KAZN: variants seen among roughly 807,000 people sequenced by gnomAD.
The protein encoded by KAZN is kazrin.
A neutral mutation model predicts 87.4 loss-of-function variants in KAZN; 40 were observed. The observed-to-expected ratio is 0.46, with a 90% CI of 0.36 to 0.60. The LOEUF (loss-of-function observed/expected upper bound fraction) is 0.60. KAZN is among the 20% of genes least tolerant of loss of function. The pLI, the probability that KAZN is intolerant of heterozygous loss-of-function variation, is 0.00. For missense variants in KAZN, 898 were observed against 1,073.9 expected, an observed-to-expected ratio of 0.84 and a Z score of 2.29; for synonymous variants, 466 against 458.3, an observed-to-expected ratio of 1.02 and a Z score of -0.22.
At chr1:14,808,436 A>G (rs982759670) in intron 1 of KAZN, among the ~76,000 whole-genome samples, 2 of 151,460 alleles carry the variant, frequency 1.3e-5, no homozygotes, top group African/African-American at 4.9e-5. Flanking sequence ...AGATGGTATT[A>G]CAGGCAAGTG....
chr1:13,923,671 TGAG>T (rs140028682), intron 1 of KAZN, among the ~76,000 whole-genome samples: 6 of 151,186 alleles, frequency 4.0e-5, no homozygotes, highest in Admixed American at 1.3e-4. Context: ...AGTAGGCTGA[TGAG>T]GAGGAGGATG....
chr1:14,133,365 CAAA>C (rs779709247), intron 1 of KAZN, among the ~76,000 whole-genome samples: 3 of 26,578 alleles, frequency 1.1e-4, no homozygotes, highest in Admixed American at 6.2e-4. Flanking sequence ...GACTCCCTCT[CAAA>C]AAAAAAAAAA....
At chr1:14,478,037 C>G (rs948589791) in intron 2 of KAZN, among the ~76,000 whole-genome samples, 11 of 152,184 alleles carry the variant, frequency 7.2e-5, no homozygotes, top group Admixed American at 2.6e-4. Context: ...ACATTGTGTA[C>G]AGTCTCACTC....
At chr1:14,391,234 G>A (rs1189415613) in intron 2 of KAZN, among the ~76,000 whole-genome samples, 6 of 152,174 alleles carry the variant, frequency 3.9e-5, no homozygotes, top group Non-Finnish European at 7.3e-5. Flanking sequence ...TCATTCTGCT[G>A]CTTCTTGGGC....
At chr1:14,511,348 G>A (rs1315613816) in intron 2 of KAZN, among the ~76,000 whole-genome samples, 1 of 152,130 alleles carries the variant, frequency 6.6e-6, no homozygotes, top group Non-Finnish European at 1.5e-5. Flanking sequence ...GAGCCAAGAA[G>A]AATTTATTAG....
At chr1:14,280,663 T>A (rs1652781763) in intron 2 of KAZN, among the ~76,000 whole-genome samples, 1 of 152,192 alleles carries the variant, frequency 6.6e-6, no homozygotes, top group Non-Finnish European at 1.5e-5. Context: ...GCCTCCAGAA[T>A]GGTGGGACAA....
chr1:13,903,077 C>T (rs1055128406), intron 1 of KAZN, among the ~76,000 whole-genome samples: 1 of 152,206 alleles, frequency 6.6e-6, no homozygotes, highest in African/African-American at 2.4e-5. Flanking sequence ...AGTCTTAACA[C>T]TGACAATGTG....
At chr1:14,023,698 G>A (rs1640945861) in intron 1 of KAZN, among the ~76,000 whole-genome samples, 1 of 152,132 alleles carries the variant, frequency 6.6e-6, no homozygotes, top group Non-Finnish European at 1.5e-5. Context: ...AAAAAAACGG[G>A]GCCATCTTAA....
intron 2 of KAZN, among the ~76,000 whole-genome samples, chr1:14,369,755 C>G (rs972825800): frequency 6.6e-5 from 10 of 152,116 alleles, no homozygotes; most frequent in Non-Finnish European, 1.2e-4. Context: ...CAAAGTAAGC[C>G]CAACGTCCCC....
At chr1:14,112,431 G>A (rs1644519791) in intron 1 of KAZN, among the ~76,000 whole-genome samples, 4 of 77,744 alleles carry the variant, frequency 5.1e-5, no homozygotes, top group Admixed American at 2.4e-4. Context: ...TTTGGCCACT[G>A]TGGGTTGTCA....
chr1:14,916,954 C>G (rs1392416798), intron 1 of KAZN, among the ~76,000 whole-genome samples: 1 of 151,886 alleles, frequency 6.6e-6, no homozygotes, highest in Non-Finnish European at 1.5e-5. Context: ...GACAGTCCAA[C>G]AAGCAGGGCA....
At position 14,689,265 on chromosome 1, in the gene KAZN, G is replaced by A. The variant is rs536803481; in HGVS notation, c.226+90042G>A. On this transcript the variant is annotated intron_variant, in intron 1 of 14. Transcript: ENST00000376030. ...AGAGTTGATTGGTAAAACCATGCTGGGTCTGGTTTGTAGTATCTCATGAAA... is the reference window on the plus strand; with the variant it reads ...AGAGTTGATTGGTAAAACCATGCTGAGTCTGGTTTGTAGTATCTCATGAAA... 2.7e-4 allele frequency among the ~76,000 whole-genome samples: 41 copies of A among 152,222 alleles called. 1 individual carries two copies. The highest frequency in any genetic ancestry group is 9.4e-4 in the African/African-American group (39 of 41,526).
At position 14,416,139 on chromosome 1, in the gene KAZN, G is replaced by T. The variant is rs192901110; in HGVS notation, c.250-182844G>T. ...GGGCAGCTGCAATTTTTTTGGCTCT[G>T]GGGCTGTAGTAGCATTTGCAGCAGT... On this transcript the variant is annotated intron_variant, in intron 2 of 16. Coordinates refer to the KAZN transcript ENST00000636203. Among the ~76,000 whole-genome samples the T allele has an allele frequency of 3.9e-5, 6 of 152,282 alleles. No individual in the cohort carries two copies. In the East Asian group the frequency reaches 1.2e-3, roughly 29 times the overall value.
At chr1:14,187,126 C>CT (rs1646325333) in intron 2 of KAZN, among the ~76,000 whole-genome samples, 1 of 152,128 alleles carries the variant, frequency 6.6e-6, no homozygotes, top group Non-Finnish European at 1.5e-5. Context: ...ATAAAATAGC[C>CT]TTTTTTACAT....
intron 2 of KAZN, among the ~76,000 whole-genome samples, chr1:14,255,993 T>G (rs1366585421): frequency 6.6e-6 from 1 of 152,202 alleles, no homozygotes; most frequent in Non-Finnish European, 1.5e-5. Context: ...TTCCCTTTTC[T>G]TTTGTAAATT....
At position 15,011,556 on chromosome 1, in the gene KAZN, T is replaced by A. The variant is rs549371952; in HGVS notation, c.419-23193T>A. ...CCCCTCCCCCAACCCCAAATACTCA[T>A]ATTCTCATGGCCTGTGTTACCTACT... On this transcript the variant is annotated intron_variant, in intron 2 of 14. Transcript: ENST00000376030. 2.0e-5 allele frequency among the ~76,000 whole-genome samples: 3 copies of A among 152,256 alleles called. No individual in the cohort carries two copies. In the East Asian group the frequency reaches 5.8e-4, roughly 29 times the overall value.
At chr1:14,543,163 A>G (rs1054188582) in intron 2 of KAZN, among the ~76,000 whole-genome samples, 4 of 152,166 alleles carry the variant, frequency 2.6e-5, no homozygotes, top group Non-Finnish European at 5.9e-5. Context: ...GTCATAATGT[A>G]CTTTAAAAAT....
intron 2 of KAZN, among the ~76,000 whole-genome samples, chr1:14,533,947 A>G (rs1475301890): frequency 1.3e-5 from 2 of 152,210 alleles, no homozygotes; most frequent in Non-Finnish European, 2.9e-5. Context: ...TGCCTCTCTG[A>G]CTGCATCCCC....
intron 1 of KAZN, among the ~76,000 whole-genome samples, chr1:14,023,614 T>A (rs1203856632): frequency 2.0e-5 from 3 of 152,150 alleles, no homozygotes; most frequent in African/African-American, 7.2e-5. Context: ...GTTACCTGCA[T>A]GTGGATTTCA....
Sources: gnomAD v4.1 joint callset for allele counts (sites outside exome capture counted in the v4.1 genomes callset) on GRCh38, gnomAD v4.1.1 for gene constraint, MANE v1.5 for transcripts, NCBI Gene and HGNC (gene_info 2026-07-23, HGNC 2026-07-21) for gene names.